CCSER1: variants seen among roughly 807,000 people sequenced by gnomAD.
CCSER1 encodes serine-rich coiled-coil domain-containing protein 1.
Under a neutral mutation model 82.0 loss-of-function variants are expected in CCSER1, and 41 were observed. The observed-to-expected ratio is 0.50, with a 90% confidence interval of 0.39 to 0.65. The LOEUF (loss-of-function observed/expected upper bound fraction) is 0.65. Among genes scored for constraint, CCSER1 ranks in the 30% least tolerant of loss-of-function variants. The pLI, the probability that CCSER1 is intolerant of heterozygous loss-of-function variation, is 0.00. For missense variants in CCSER1, 1,119 were observed against 1,064.2 expected, an observed-to-expected ratio of 1.05 and a Z score of -0.72; for synonymous variants, 414 against 383.9, an observed-to-expected ratio of 1.08 and a Z score of -0.92.
Position 90,838,912 on chromosome 4 carries a change from G to A in CCSER1, c.2094+23067G>A, listed in dbSNP as rs758881469. ...GGCGGCGCACGCCTCATTACGATTCGCCTGCTTGCTTCTCCTGTTCAATCG... is the reference window on the plus strand; with the variant it reads ...GGCGGCGCACGCCTCATTACGATTCACCTGCTTGCTTCTCCTGTTCAATCG... On this transcript the variant is annotated intron_variant, in intron 8 of 10. Transcript: ENST00000509176. The A allele has an allele frequency of 9.9e-6, 16 of 1,613,156 alleles. No individual in the cohort carries two copies. In the African/African-American group the frequency reaches 1.2e-4, roughly 12 times the overall value.
At chr4:90,388,152 A>G (rs1354600328) in intron 3 of CCSER1, among the ~76,000 whole-genome samples, 3 of 152,188 alleles carry the variant, frequency 2.0e-5, no homozygotes, top group Non-Finnish European at 1.5e-5. Flanking sequence ...GAAGGAGTTT[A>G]TGATTTGCTT....
chr4:91,383,197 T>C (rs1259103739), intron 10 of CCSER1, among the ~76,000 whole-genome samples: 2 of 152,174 alleles, frequency 1.3e-5, no homozygotes, highest in Non-Finnish European at 2.9e-5. Flanking sequence ...GCAATATTGA[T>C]GTATGCCTGT....
intron 5 of CCSER1, among the ~76,000 whole-genome samples, chr4:90,603,067 T>C (rs1194373669): frequency 6.6e-6 from 1 of 152,182 alleles, no homozygotes; most frequent in Non-Finnish European, 1.5e-5. Context: ...TGTGTAGAAA[T>C]GTCAGACTTA....
intron 8 of CCSER1, among the ~76,000 whole-genome samples, chr4:90,891,891 A>G (rs1424991250): frequency 2.0e-5 from 3 of 152,104 alleles, no homozygotes; most frequent in Non-Finnish European, 4.4e-5. Flanking sequence ...AGTTCCTTAA[A>G]GAACTTAAAT....
chr4:91,194,740 T>C (rs1735269666), intron 10 of CCSER1, among the ~76,000 whole-genome samples: 1 of 152,184 alleles, frequency 6.6e-6, no homozygotes, highest in Admixed American at 6.5e-5. Context: ...GACTACAGTT[T>C]CATGGTGAAA....
chr4:91,147,516 C>G (rs1039766883), intron 10 of CCSER1, among the ~76,000 whole-genome samples: 1 of 152,196 alleles, frequency 6.6e-6, no homozygotes, highest in African/African-American at 2.4e-5. Flanking sequence ...GAACCCACTC[C>G]ACATTCTTGT....
intron 3 of CCSER1, among the ~76,000 whole-genome samples, chr4:90,315,884 G>T (rs1200897747): frequency 6.6e-6 from 1 of 152,170 alleles, no homozygotes; most frequent in Non-Finnish European, 1.5e-5. Flanking sequence ...AGAAATGGTA[G>T]GGATTATTTA....
At chr4:91,274,148 T>C (rs900584812) in intron 10 of CCSER1, among the ~76,000 whole-genome samples, 1 of 152,212 alleles carries the variant, frequency 6.6e-6, no homozygotes, top group African/African-American at 2.4e-5. Context: ...TAAATTTGGC[T>C]ATTTTGTCTT....
At chr4:91,481,515 C>T (rs1757913218) in intron 10 of CCSER1, among the ~76,000 whole-genome samples, 1 of 152,168 alleles carries the variant, frequency 6.6e-6, no homozygotes, top group Non-Finnish European at 1.5e-5. Context: ...TCTCCAAATA[C>T]TGTCACATTC....
chr4:90,434,846 A>T (rs1255656595), intron 4 of CCSER1, among the ~76,000 whole-genome samples: 2 of 152,104 alleles, frequency 1.3e-5, no homozygotes, highest in Admixed American at 6.6e-5. Flanking sequence ...GCATTCATAA[A>T]ATTTTAGCAG....
intron 5 of CCSER1, among the ~76,000 whole-genome samples, chr4:90,536,399 A>G (rs1171261421): frequency 2.0e-5 from 3 of 152,176 alleles, no homozygotes; most frequent in South Asian, 4.1e-4. Flanking sequence ...TAATTAGCCT[A>G]TTTGCAAGAT....
chr4:91,090,535 G>A (rs1280376831), intron 10 of CCSER1, among the ~76,000 whole-genome samples: 2 of 152,298 alleles, frequency 1.3e-5, no homozygotes, highest in East Asian at 1.9e-4. Context: ...CTCTAGCTAT[G>A]CAATATTGTC....
chr4:90,523,386 A>G (rs534818358), intron 5 of CCSER1, among the ~76,000 whole-genome samples: 1 of 152,226 alleles, frequency 6.6e-6, no homozygotes, highest in South Asian at 2.1e-4. Context: ...TAATTGAATT[A>G]ACTGGGCTCT....
At chr4:90,412,372 G>C (rs1045863854) in intron 4 of CCSER1, among the ~76,000 whole-genome samples, 8 of 150,834 alleles carry the variant, frequency 5.3e-5, no homozygotes, top group Non-Finnish European at 1.2e-4. Flanking sequence ...GCTACATGAC[G>C]AGTTGATGGG....
chr4:91,492,997 A>C (rs1316121902), intron 10 of CCSER1, among the ~76,000 whole-genome samples: 2 of 151,964 alleles, frequency 1.3e-5, no homozygotes, highest in African/African-American at 4.8e-5. Context: ...TTCCATTAAA[A>C]GCCTGTGAGA....
chr4:90,850,154 G>A (rs1161461295), intron 8 of CCSER1, among the ~76,000 whole-genome samples: 1 of 152,180 alleles, frequency 6.6e-6, no homozygotes, highest in Non-Finnish European at 1.5e-5. Context: ...GGGCCTGTGG[G>A]TGTACAGGAG....
intron 5 of CCSER1, among the ~76,000 whole-genome samples, chr4:90,513,821 C>T (rs192762836): frequency 7.9e-5 from 12 of 152,186 alleles, no homozygotes; most frequent in African/African-American, 2.9e-4. Flanking sequence ...ACATGATGGA[C>T]AACTACAAAG....
At chr4:91,328,873 T>TC (rs1306875975) in intron 10 of CCSER1, among the ~76,000 whole-genome samples, 2 of 152,080 alleles carry the variant, frequency 1.3e-5, no homozygotes, top group African/African-American at 4.8e-5. Flanking sequence ...GGTAGCAGTT[T>TC]CCCCCCTACT....
At chr4:90,215,158 T>C (rs1460327693) in intron 1 of CCSER1, among the ~76,000 whole-genome samples, 3 of 152,220 alleles carry the variant, frequency 2.0e-5, no homozygotes, top group African/African-American at 7.2e-5. Context: ...AGGAGCTATA[T>C]AAAGATTCTC....
Sources: allele counts gnomAD v4.1 joint callset (sites outside exome capture counted in the v4.1 genomes callset), GRCh38; gene constraint gnomAD v4.1.1; transcripts MANE v1.5; gene names NCBI Gene and HGNC (gene_info 2026-07-23, HGNC 2026-07-21).